KCNK2: variants seen among roughly 807,000 people sequenced by gnomAD.
KCNK2 encodes potassium channel subfamily K member 2.
Under a neutral mutation model 40.5 loss-of-function variants are expected in KCNK2, and 21 were observed. That is an observed-to-expected ratio of 0.52 (90% CI 0.37 to 0.75). The LOEUF is 0.75. KCNK2 is among the 30% of genes least tolerant of loss of function. The pLI, the probability that KCNK2 is intolerant of heterozygous loss-of-function variation, is 0.00. For missense variants in KCNK2, 399 were observed against 531.6 expected, an observed-to-expected ratio of 0.75 and a Z score of 2.45; for synonymous variants, 191 against 202.2, an observed-to-expected ratio of 0.94 and a Z score of 0.47.
At chr1:215,126,189 C>T (rs1200901805) in intron 3 of KCNK2, among the ~76,000 whole-genome samples, 1 of 152,108 alleles carries the variant, frequency 6.6e-6, no homozygotes, top group South Asian at 2.1e-4. Flanking sequence ...TTTCCTTTTA[C>T]AGGTATTTGT....
At chr1:215,103,419 T>C (rs2102553387) in intron 2 of KCNK2, among the ~76,000 whole-genome samples, 1 of 152,160 alleles carries the variant, frequency 6.6e-6, no homozygotes. Context: ...TTAAAAATCT[T>C]CCACAAGATT....
intron 3 of KCNK2, among the ~76,000 whole-genome samples, chr1:215,125,136 C>A (rs558826934): frequency 1.2e-4 from 18 of 152,130 alleles, no homozygotes; most frequent in Middle Eastern, 3.4e-3. Context: ...CGTGATATCA[C>A]CTTTTCGAAT....
intron 1 of KCNK2, among the ~76,000 whole-genome samples, chr1:215,028,423 A>T (rs1657071033): frequency 6.6e-6 from 1 of 152,160 alleles, no homozygotes; most frequent in South Asian, 2.1e-4. Context: ...AAAATAAAAA[A>T]TAAAAGAATA....
At chr1:215,225,290 T>A (rs1666342441) in intron 6 of KCNK2, among the ~76,000 whole-genome samples, 1 of 152,202 alleles carries the variant, frequency 6.6e-6, no homozygotes, top group African/African-American at 2.4e-5. Context: ...AAAAATGGTT[T>A]CTGTAGCTGA....
At chr1:215,126,588 G>A (rs1661446601) in intron 3 of KCNK2, among the ~76,000 whole-genome samples, 2 of 152,082 alleles carry the variant, frequency 1.3e-5, no homozygotes, top group Admixed American at 1.3e-4. Flanking sequence ...AAATTATTTT[G>A]CAGGAGACTC....
intron 2 of KCNK2, among the ~76,000 whole-genome samples, chr1:215,087,867 C>A (rs1320672276): frequency 6.6e-6 from 1 of 152,170 alleles, no homozygotes; most frequent in Non-Finnish European, 1.5e-5. Context: ...TCTCAATTTA[C>A]AGCATATGCA....
intron 2 of KCNK2, among the ~76,000 whole-genome samples, chr1:215,100,197 G>A (rs1310519064): frequency 1.3e-5 from 2 of 151,882 alleles, no homozygotes; most frequent in Non-Finnish European, 2.9e-5. Context: ...GTTAACCCAG[G>A]AGTCACTACA....
At chr1:215,164,291 C>G (rs895634243) in intron 3 of KCNK2, among the ~76,000 whole-genome samples, 58 of 152,096 alleles carry the variant, frequency 3.8e-4, no homozygotes, top group African/African-American at 1.3e-3. Flanking sequence ...TTTATTGTGT[C>G]TATTTGATTC....
At position 215,209,457 on chromosome 1, in the gene KCNK2, ATAT is replaced by A; in HGVS notation, c.963+14369_963+14371del. On this transcript the variant is annotated intron_variant, in intron 6 of 6. Coordinates refer to ENST00000444842, the MANE Select transcript of KCNK2 (RefSeq NM_001017425.3). The stretch of plus-strand genomic sequence containing the variant: ...ATATAAAATATATAATATATATTAT[ATAT>A]TATATATAATATATATTATATATAA... Among the ~76,000 whole-genome samples the A allele has an allele frequency of 8.3e-5, 2 of 24,130 alleles. 1 individual carries two copies. Among genetic ancestry groups the A allele is most frequent in the Non-Finnish European group, 1.4e-4 (2 of 14,174 alleles). 15.8% of individuals were successfully genotyped at this position (24,130 alleles called of 152,430 possible).
intron 1 of KCNK2, among the ~76,000 whole-genome samples, chr1:215,035,832 G>C (rs1657363848): frequency 1.3e-5 from 2 of 151,964 alleles, no homozygotes; most frequent in South Asian, 2.1e-4. Flanking sequence ...GAACCCAGCT[G>C]TGTATTTTTA....
At chr1:215,023,645 T>C (rs1410830431) in intron 1 of KCNK2, among the ~76,000 whole-genome samples, 2 of 152,234 alleles carry the variant, frequency 1.3e-5, no homozygotes, top group African/African-American at 4.8e-5. Context: ...GTGAATGTCA[T>C]TGCGTAAGCA....
At position 215,234,290 on chromosome 1, in the gene KCNK2, G is replaced by A. The variant is rs965638806; in HGVS notation, c.964-538G>A. On this transcript the variant is annotated intron_variant, in intron 6 of 6. Transcript: ENST00000444842. ...TGACCAGTATGAGGTTGGATACAAC[G>A]CTCTTGCACACACCTTTTCTGATCT... 3.9e-5 allele frequency among the ~76,000 whole-genome samples: 6 copies of A among 152,122 alleles called. 1 individual carries two copies. Among genetic ancestry groups the A allele is most frequent in the South Asian group, 4.1e-4 (2 of 4,822 alleles).
intron 3 of KCNK2, among the ~76,000 whole-genome samples, chr1:215,151,242 A>T (rs1303259233): frequency 6.6e-6 from 1 of 152,072 alleles, no homozygotes; most frequent in African/African-American, 2.4e-5. Context: ...GTTATTATTG[A>T]ACAAAACACA....
intron 1 of KCNK2, among the ~76,000 whole-genome samples, chr1:215,048,579 A>G (rs1657869431): frequency 1.3e-5 from 2 of 152,318 alleles, no homozygotes; most frequent in South Asian, 4.1e-4. Flanking sequence ...TTTTTTAAAA[A>G]GGCTTGTATG....
chr1:215,036,750 AATTTTCCCTTGGT>A (rs1474052107), intron 1 of KCNK2, among the ~76,000 whole-genome samples: 1 of 151,596 alleles, frequency 6.6e-6, no homozygotes, highest in Non-Finnish European at 1.5e-5. Context: ...CATTTTATTA[AATTTTCCCTTGGT>A]ATTTCATATA....
intron 1 of KCNK2, among the ~76,000 whole-genome samples, chr1:215,052,189 G>A (rs555365363): frequency 6.6e-6 from 1 of 152,220 alleles, no homozygotes; most frequent in Non-Finnish European, 1.5e-5. Flanking sequence ...TTAACACAGG[G>A]TGAAACCGGT....
intron 2 of KCNK2, among the ~76,000 whole-genome samples, chr1:215,103,113 C>G (rs1660293092): frequency 1.3e-5 from 2 of 151,860 alleles, no homozygotes; most frequent in South Asian, 4.1e-4. Context: ...GAGGAGAGAA[C>G]TTTTCAGAAA....
intron 3 of KCNK2, among the ~76,000 whole-genome samples, chr1:215,134,224 T>C (rs2102592885): frequency 6.6e-6 from 1 of 152,270 alleles, no homozygotes; most frequent in Admixed American, 6.5e-5. Context: ...TTTCCTCTAC[T>C]TCAATTCAAT....
At chr1:215,014,892 G>C (rs974126851) in intron 1 of KCNK2, among the ~76,000 whole-genome samples, 5 of 152,140 alleles carry the variant, frequency 3.3e-5, no homozygotes, top group Admixed American at 3.3e-4. Flanking sequence ...CAATACAGCT[G>C]TAAGTTGTTT....
Sources: gnomAD v4.1 joint callset for allele counts (sites outside exome capture counted in the v4.1 genomes callset) on GRCh38, gnomAD v4.1.1 for gene constraint, MANE v1.5 for transcripts, NCBI Gene and HGNC (gene_info 2026-07-23, HGNC 2026-07-21) for gene names.